MINDY4: variants seen among roughly 807,000 people sequenced by gnomAD.
The protein encoded by MINDY4 is probable ubiquitin carboxyl-terminal hydrolase MINDY-4.
A neutral mutation model predicts 87.0 loss-of-function variants in MINDY4; 68 were observed. The ratio of observed to expected loss-of-function variants is 0.78; its 90% CI spans 0.64 to 0.96. The LOEUF (loss-of-function observed/expected upper bound fraction) is 0.96, where lower values mean the gene tolerates loss of function less well. Ranked by LOEUF, MINDY4 falls within the 40% of genes least tolerant of loss-of-function variation. The pLI is 0.00. For missense variants in MINDY4, 919 were observed against 928.2 expected (o/e 0.99, Z 0.13); for synonymous variants, 379 against 363.2 (o/e 1.04, Z -0.50).
intron 17 of MINDY4, among the ~76,000 whole-genome samples, chr7:30,887,671 G>A (rs1395523053): frequency 6.6e-6 from 1 of 152,200 alleles, no homozygotes; most frequent in Non-Finnish European, 1.5e-5. Flanking sequence ...GCCTGGTGGG[G>A]GTCGTGTTCA....
intron 13 of MINDY4, among the ~76,000 whole-genome samples, chr7:30,861,588 ACT>A (rs1467748284): frequency 2.0e-5 from 3 of 152,144 alleles, no homozygotes; most frequent in African/African-American, 7.2e-5. Context: ...TTTAGGCCTG[ACT>A]CTCTACTCCT....
chr7:30,863,833 G>A (rs1789845881), intron 13 of MINDY4, among the ~76,000 whole-genome samples: 2 of 152,284 alleles, frequency 1.3e-5, no homozygotes, highest in African/African-American at 4.8e-5. Context: ...CTAAGATCTC[G>A]AATTGCTTCC....
Position 30,883,086 on chromosome 7 carries a change from G to A in MINDY4, c.2225+93G>A, listed in dbSNP as rs533721415. On this transcript the variant is annotated intron_variant, in intron 17 of 17. Transcript: ENST00000265299. Reference sequence around the variant, plus strand: ...GGTCAGGCCTGCAGGAAGGCAGATAGGTTCCTGGACCACCCTGATTCAAAG... The same window carrying A: ...GGTCAGGCCTGCAGGAAGGCAGATAAGTTCCTGGACCACCCTGATTCAAAG... 8.1e-6 allele frequency: 10 copies of A among 1,241,258 alleles called. No individual in the cohort carries two copies. In the South Asian group the frequency reaches 1.3e-4, roughly 16 times the overall value. 76.9% of individuals were successfully genotyped at this position (1,241,258 alleles called of 1,614,324 possible).
intron 5 of MINDY4, among the ~76,000 whole-genome samples, chr7:30,805,956 G>C (rs1391252670): frequency 2.0e-5 from 3 of 152,158 alleles, no homozygotes; most frequent in African/African-American, 7.2e-5. Context: ...CTTGGGTGGG[G>C]CCCGGAAGGG....
At chr7:30,801,855 T>A (rs1787660604) in intron 5 of MINDY4, among the ~76,000 whole-genome samples, 1 of 152,044 alleles carries the variant, frequency 6.6e-6, no homozygotes, top group African/African-American at 2.4e-5. Context: ...TGGCCACACA[T>A]CCCCCTGGAA....
intron 13 of MINDY4, 125 bp from the exon 14 acceptor site, chr7:30,872,118 G>A: frequency 1.1e-6 from 1 of 878,870 alleles, no homozygotes; most frequent in Non-Finnish European, 1.8e-6. Context: ...AGAGCGCTCA[G>A]GTTCCCACCA....
intron 14 of MINDY4, among the ~76,000 whole-genome samples, chr7:30,873,564 T>C (rs897591222): frequency 1.3e-5 from 2 of 152,158 alleles, no homozygotes; most frequent in African/African-American, 4.8e-5. Flanking sequence ...GGCCTAAGAT[T>C]CTCAATTTCT....
At chr7:30,810,461 A>T (rs552037603) in intron 5 of MINDY4, among the ~76,000 whole-genome samples, 1 of 152,216 alleles carries the variant, frequency 6.6e-6, no homozygotes, top group South Asian at 2.1e-4. Context: ...AGGTTAAAAA[A>T]ACTTTTTTTG....
At position 30,888,177 on chromosome 7, in the gene MINDY4, G is replaced by A. The variant is rs371147869; in HGVS notation, c.2226-3780G>A. Among the ~76,000 whole-genome samples, 35 of 152,254 alleles carry A rather than the reference G, an allele frequency of 2.3e-4. 1 individual carries two copies. The highest frequency in any genetic ancestry group is 8.4e-4 in the African/African-American group (35 of 41,540). ...TCTGTTGCAGTGATGCCTCTGGGGG[G>A]ACAGGGCCTTATTTTCCACCATGAA... On this transcript the variant is annotated intron_variant, in intron 17 of 17. Coordinates refer to ENST00000265299, the MANE Select transcript of MINDY4 (RefSeq NM_032222.3).
At chr7:30,826,213 G>A (rs1788497568) in intron 5 of MINDY4, among the ~76,000 whole-genome samples, 1 of 152,140 alleles carries the variant, frequency 6.6e-6, no homozygotes, top group Non-Finnish European at 1.5e-5. Flanking sequence ...GTAACATTCA[G>A]GGATTAGGAT....
At chr7:30,817,318 G>A (rs1373427980) in intron 5 of MINDY4, among the ~76,000 whole-genome samples, 1 of 150,176 alleles carries the variant, frequency 6.7e-6, no homozygotes, top group Non-Finnish European at 1.5e-5. Context: ...AGGAGAGCAG[G>A]AAAGTGAAAG....
intron 1 of MINDY4, among the ~76,000 whole-genome samples, chr7:30,775,359 A>G (rs1379418540): frequency 6.6e-6 from 1 of 152,092 alleles, no homozygotes; most frequent in African/African-American, 2.4e-5. Flanking sequence ...CTTTACTTAC[A>G]TTTACCAGTT....
chr7:30,870,767 GAAAGGAAAAAAT>G (rs1214400913), intron 13 of MINDY4, among the ~76,000 whole-genome samples: 1 of 152,210 alleles, frequency 6.6e-6, no homozygotes, highest in African/African-American at 2.4e-5. Context: ...CTCCTCTACT[GAAAGGAAAAAAT>G]AAATGCTCTG....
Position 30,872,317 on chromosome 7 carries a change from G to A in MINDY4, c.1809+11G>A, listed in dbSNP as rs184161675. 334 of 1,613,252 alleles carry A rather than the reference G, an allele frequency of 2.1e-4. 3 individuals carry two copies. In the African/African-American group the frequency reaches 3.9e-3, roughly 19 times the overall value. On this transcript the variant is annotated intron_variant, in intron 14 of 17. Coordinates refer to ENST00000265299, the MANE Select transcript of MINDY4 (RefSeq NM_032222.3). The stretch of plus-strand genomic sequence containing the variant: ...GGCTACTGTACACAGGTCAGGGGGC[G>A]CTGTGGGGCCCAGGTGGTCCTTCCC...
Position 30,882,187 on chromosome 7 carries a change from T to G in MINDY4, c.1978T>G (p.Cys660Gly). The change falls in exon 16 of 18, where the codon TGC becomes GGC. Residue 660 changes from cysteine to glycine, a missense_variant. Cys to Gly is a radical substitution (Grantham distance 159). Transcript: ENST00000265299. ...AGGCCTCTCCCTCATCCAGGTTGGC[T>G]GCTTCCTGAAGACCCCGAGGTTCCC... ...FEHYNMCQVG[C>G]FLKTPRFPIW... The G allele has an allele frequency of 6.2e-7, 1 of 1,605,868 alleles. No homozygotes were observed.
rs548652881 is a variant in MINDY4, at chr7:30,830,680, T to A, written c.1132+1943T>A. Among the ~76,000 whole-genome samples the A allele has an allele frequency of 2.3e-3, 346 of 152,288 alleles. 1 individual carries two copies. The highest frequency in any genetic ancestry group is 7.7e-3 in the African/African-American group (319 of 41,558). ...CAATTACCTCCCATCAGTTCCCTCC[T>A]ATGACATGTGGGGATGATGGGAACT... On this transcript the variant is annotated intron_variant, in intron 6 of 17. Coordinates refer to ENST00000265299, the MANE Select transcript of MINDY4 (RefSeq NM_032222.3).
At position 30,892,038 on chromosome 7, in the gene MINDY4, AC is replaced by A. The variant is rs1338551499; in HGVS notation, c.*34del. On this transcript the variant is annotated 3_prime_UTR_variant, in exon 18 of 18. Transcript: ENST00000265299. ...ATGTGGGTAAACCCTGTGGTCCACCACTCATCACCTCATCACCGAGGATGAC... is the reference window on the plus strand; with the variant it reads ...ATGTGGGTAAACCCTGTGGTCCACCATCATCACCTCATCACCGAGGATGAC... The A allele has an allele frequency of 6.2e-7, 1 of 1,611,804 alleles. No individual in the cohort carries two copies. The highest frequency in any genetic ancestry group is 2.2e-5 in the East Asian group (1 of 44,874).
chr7:30,882,069 T>G, intron 15 of MINDY4, 112 bp from the exon 16 acceptor site: 3 of 1,067,008 alleles, frequency 2.8e-6, no homozygotes, highest in South Asian at 1.5e-5. Context: ...GACACAAACG[T>G]GATCTTCAGC....
chr7:30,813,296 A>G (rs1276901657), intron 5 of MINDY4, among the ~76,000 whole-genome samples: 1 of 152,152 alleles, frequency 6.6e-6, no homozygotes, highest in Non-Finnish European at 1.5e-5. Context: ...AATTATTGTT[A>G]CCTGTTAAGG....
Sources: allele counts gnomAD v4.1 joint callset (sites outside exome capture counted in the v4.1 genomes callset), GRCh38; gene constraint gnomAD v4.1.1; transcripts MANE v1.5; gene names NCBI Gene and HGNC (gene_info 2026-07-23, HGNC 2026-07-21).